FOCAD: variants seen among roughly 807,000 people sequenced by gnomAD.
The protein encoded by FOCAD is KIAA1797.
FOCAD carries 198 observed loss-of-function variants against 225.6 expected under a neutral mutation model. The observed-to-expected ratio is 0.88, with a 90% CI of 0.78 to 0.99. FOCAD has a LOEUF of 0.99. FOCAD is among the 50% of genes least tolerant of loss of function. FOCAD has a pLI of 0.00. For synonymous variants in FOCAD, 897 were observed against 755.0 expected (o/e 1.19, Z -3.08); for missense variants, 2,713 against 2,123.6 (o/e 1.28, Z -5.46).
Position 20,944,710 on chromosome 9 carries a change from C to G in FOCAD, c.3491C>G (p.Ala1164Gly). 6.2e-7 allele frequency: 1 copy of G among 1,614,106 alleles called. No homozygotes were observed. The highest frequency in any genetic ancestry group is 8.5e-7 in the Non-Finnish European group (1 of 1,179,968). Residue 1164 changes from alanine to glycine, a missense_variant, in exon 29 of 44, where the codon GCA (alanine) becomes GGA (glycine). Physicochemically the swap from Ala to Gly is moderately conservative, Grantham distance 60. Transcript: ENST00000338382. ...SQMQSRVHVA[A>G]LLRKLSAHVD... is the part of the protein sequence containing the mutation. Reference sequence around the variant, plus strand: ...ATGCAGTCCCGCGTTCACGTAGCAGCATTGCTCCGGAAGCTGTCTGCGCAC... The same window carrying G: ...ATGCAGTCCCGCGTTCACGTAGCAGGATTGCTCCGGAAGCTGTCTGCGCAC...
At chr9:20,789,846 A>G (rs143940236) in intron 11 of FOCAD, among the ~76,000 whole-genome samples, 14 of 152,200 alleles carry the variant, frequency 9.2e-5, no homozygotes, top group African/African-American at 3.1e-4. Flanking sequence ...CGAAATCTGC[A>G]CATGGTGCTA....
At chr9:20,754,338 T>C (rs1232633172) in intron 5 of FOCAD, among the ~76,000 whole-genome samples, 2 of 152,208 alleles carry the variant, frequency 1.3e-5, no homozygotes, top group Non-Finnish European at 2.9e-5. Flanking sequence ...CAAATTAGCA[T>C]GAATATTCTT....
At chr9:20,935,888 T>C (rs964549228) in intron 28 of FOCAD, among the ~76,000 whole-genome samples, 4 of 152,222 alleles carry the variant, frequency 2.6e-5, no homozygotes, top group Non-Finnish European at 5.9e-5. Flanking sequence ...GCTAACCCCA[T>C]GGTTTTTAAG....
At chr9:20,735,095 T>C (rs901207202) in intron 4 of FOCAD, among the ~76,000 whole-genome samples, 2 of 152,156 alleles carry the variant, frequency 1.3e-5, no homozygotes, top group Non-Finnish European at 2.9e-5. Flanking sequence ...TAACACTGAG[T>C]ATTATGAATC....
At chr9:20,799,120 G>A (rs963914756) in intron 11 of FOCAD, among the ~76,000 whole-genome samples, 11 of 152,166 alleles carry the variant, frequency 7.2e-5, no homozygotes, top group Non-Finnish European at 1.6e-4. Context: ...TAGTCCTTTA[G>A]GAGCAGGTCA....
intron 15 of FOCAD, among the ~76,000 whole-genome samples, chr9:20,833,041 T>A (rs1749992907): frequency 6.6e-6 from 1 of 152,014 alleles, no homozygotes; most frequent in Admixed American, 6.6e-5. Context: ...GATTGCTAGG[T>A]CATATGGTAG....
chr9:20,706,412 C>G (rs1824392714), intron 1 of FOCAD, among the ~76,000 whole-genome samples: 1 of 152,070 alleles, frequency 6.6e-6, no homozygotes, highest in African/African-American at 2.4e-5. Flanking sequence ...ATTCATTGTA[C>G]TTTTATTAAA....
chr9:20,790,435 G>A (rs948020141), intron 11 of FOCAD, among the ~76,000 whole-genome samples: 1 of 152,150 alleles, frequency 6.6e-6, no homozygotes, highest in African/African-American at 2.4e-5. Flanking sequence ...TGTTCCTAGA[G>A]GAAAAAATTT....
chr9:20,727,913 C>A (rs959434459), intron 4 of FOCAD, among the ~76,000 whole-genome samples: 2 of 152,128 alleles, frequency 1.3e-5, no homozygotes, highest in Non-Finnish European at 2.9e-5. Context: ...TCTTGTACCT[C>A]ATGTTTGGTA....
chr9:20,679,779 T>A (rs73436439), upstream of FOCAD, among the ~76,000 whole-genome samples: 1 of 152,176 alleles, frequency 6.6e-6, no homozygotes. Context: ...GAGTTTTGCA[T>A]GTACAATGTC....
At chr9:20,750,401 A>C (rs1017473180) in intron 5 of FOCAD, among the ~76,000 whole-genome samples, 19 of 152,188 alleles carry the variant, frequency 1.2e-4, no homozygotes, top group African/African-American at 4.3e-4. Context: ...TAGTTCTTCT[A>C]TTTGCTAGAT....
Position 20,866,917 on chromosome 9 carries a change from T to TTTTAACAAATA in FOCAD, c.2107-12_2107-11insTTTAACAAATA. ...TTTTTTTTTTTTTTTTTTTTTTTTT[T>TTTTAACAAATA]ACCCTATCTAGGACCCAATTGTAGC... is the stretch of plus-strand genomic sequence containing the variant. On this transcript the variant is annotated splice_polypyrimidine_tract_variant and intron_variant, in intron 17 of 43. Transcript: ENST00000338382. 1.3e-6 allele frequency: 1 copy of TTTTAACAAATA among 764,972 alleles called. No individual in the cohort carries two copies. Among genetic ancestry groups the TTTTAACAAATA allele is most frequent in the Non-Finnish European group, 2.0e-6 (1 of 498,468 alleles). The allele number at this position is 764,972 out of a possible 1,614,324, so 47.4% of individuals were successfully genotyped here.
intron 37 of FOCAD, among the ~76,000 whole-genome samples, chr9:20,978,902 A>G (rs995497138): frequency 4.6e-5 from 7 of 152,228 alleles, no homozygotes; most frequent in African/African-American, 1.7e-4. Flanking sequence ...TTGGTTAGGT[A>G]TCACATCAAG....
chr9:20,744,994 A>C (rs993543607), intron 5 of FOCAD, among the ~76,000 whole-genome samples: 6 of 151,994 alleles, frequency 3.9e-5, no homozygotes, highest in Non-Finnish European at 7.4e-5. Flanking sequence ...TTAAACCACT[A>C]TGTAGTATCC....
chr9:20,926,510 G>A (rs987544163), intron 26 of FOCAD, 93 bp downstream of exon 26: 22 of 811,886 alleles, frequency 2.7e-5, no homozygotes, highest in Admixed American at 1.1e-4. Flanking sequence ...TAGGCCAGGC[G>A]CGGTGGCTCA....
chr9:20,670,528 G>A (rs1822031568), intron 2 of FOCAD, among the ~76,000 whole-genome samples: 1 of 152,166 alleles, frequency 6.6e-6, no homozygotes, highest in African/African-American at 2.4e-5. Flanking sequence ...GGGAGGGAGT[G>A]TCACACTTTT....
At chr9:20,933,799 C>G (rs531721963) in intron 28 of FOCAD, among the ~76,000 whole-genome samples, 2 of 152,252 alleles carry the variant, frequency 1.3e-5, no homozygotes, top group South Asian at 4.1e-4. Flanking sequence ...ACACTGTTTT[C>G]CATAGTGATT....
chr9:20,952,147 A>G (rs1259461566), intron 34 of FOCAD, among the ~76,000 whole-genome samples: 1 of 152,198 alleles, frequency 6.6e-6, no homozygotes, highest in East Asian at 1.9e-4. Context: ...GTGTCCTGGT[A>G]AGATAGGATA....
intron 21 of FOCAD, among the ~76,000 whole-genome samples, chr9:20,904,030 C>T (rs1413663202): frequency 6.6e-6 from 1 of 151,910 alleles, no homozygotes; most frequent in African/African-American, 2.4e-5. Context: ...ACCATTTGTG[C>T]CTGACTTCTT....
Sources: allele counts gnomAD v4.1 joint callset (sites outside exome capture counted in the v4.1 genomes callset), GRCh38; gene constraint gnomAD v4.1.1; transcripts MANE v1.5; gene names NCBI Gene and HGNC (gene_info 2026-07-23, HGNC 2026-07-21).